OGG1: variants seen among roughly 807,000 people sequenced by gnomAD.
OGG1 encodes the protein N-glycosylase/DNA lyase.
A neutral mutation model predicts 42.3 loss-of-function variants in OGG1; 35 were observed. The ratio of observed to expected loss-of-function variants is 0.83; its 90% CI spans 0.63 to 1.10. The LOEUF (loss-of-function observed/expected upper bound fraction) is 1.10, where lower values mean the gene tolerates loss of function less well. Ranked by LOEUF, OGG1 falls within the 50% of genes least tolerant of loss-of-function variation. The pLI is 0.00. For missense variants in OGG1, 484 were observed against 446.7 expected, an observed-to-expected ratio of 1.08 and a Z score of -0.75; for synonymous variants, 189 against 179.0, an observed-to-expected ratio of 1.06 and a Z score of -0.44.
Position 9,750,214 on chromosome 3 carries a change from C to A in OGG1, c.-73C>A, listed in dbSNP as rs1274015841. 12 of 1,548,644 alleles carry A rather than the reference C, an allele frequency of 7.7e-6. No individual in the cohort carries two copies. The highest frequency in any genetic ancestry group is 9.6e-6 in the Non-Finnish European group (11 of 1,148,730). On this transcript the variant is annotated 5_prime_UTR_variant, in exon 1 of 7. Transcript: ENST00000344629. ...TTAAGGGTCGTGGTCCTTGTCTGGG[C>A]GGGGTCTTTGGGCGTCGACGAGGCC...
chr3:9,770,164 G>A (rs546505852), downstream of OGG1, among the ~76,000 whole-genome samples: 44 of 152,342 alleles, frequency 2.9e-4, 1 homozygote, highest in South Asian at 8.7e-3. Flanking sequence ...TTTCACAGAG[G>A]GGACAACTGA....
chr3:9,780,500 T>C (rs905475792), intron 2 of OGG1: 1 of 1,609,060 alleles, frequency 6.2e-7, no homozygotes, highest in South Asian at 1.1e-5. Context: ...TTGTCAGCCA[T>C]GCGCACCCGC....
Position 9,766,625 on chromosome 3 carries a change from G to C in OGG1, c.*794G>C, listed in dbSNP as rs546428094. 2.8e-5 allele frequency: 29 copies of C among 1,045,416 alleles called. No individual in the cohort carries two copies. In the South Asian group the frequency reaches 7.7e-4, roughly 28 times the overall value. 64.8% of individuals were successfully genotyped at this position (1,045,416 alleles called of 1,614,324 possible). ...GTGTTTTAGAACAGGTTCTTAAAAA[G>C]GAACAAATAAACTCATTTAACTAAA... On this transcript the variant is annotated 3_prime_UTR_variant, in exon 8 of 8. Coordinates refer to the OGG1 transcript ENST00000302008.
downstream of OGG1, chr3:9,760,454 C>T: frequency 3.7e-6 from 2 of 534,888 alleles, no homozygotes; most frequent in South Asian, 2.1e-5. Context: ...CAAATGAATG[C>T]CTAGTTTCTC....
Position 9,756,603 on chromosome 3 carries a change from C to G in OGG1, c.880C>G (p.Gln294Glu). 6.2e-7 allele frequency: 1 copy of G among 1,613,872 alleles called. No individual in the cohort carries two copies. Among genetic ancestry groups the G allele is most frequent in the Non-Finnish European group, 8.5e-7 (1 of 1,179,748 alleles). Residue 294 changes from glutamine (Q) to glutamate (E), a missense_variant, in exon 5 of 7, where the codon CAG becomes GAG. Transcript: ENST00000344629. ...TTSQAKGPSP[Q>E]TNKELGNFFR... Reference sequence around the variant, plus strand: ...GTCCCAGGCGAAGGGACCGAGCCCCCAGACCAACAAGGAACTGGGTGAGGA... The same window carrying G: ...GTCCCAGGCGAAGGGACCGAGCCCCGAGACCAACAAGGAACTGGGTGAGGA...
At chr3:9,780,300 G>C (rs370030212) in intron 2 of OGG1, 21 of 1,529,762 alleles carry the variant, frequency 1.4e-5, no homozygotes, top group Non-Finnish European at 1.7e-5. Context: ...AAAGAAGGAA[G>C]TGGGCCTCCC....
At chr3:9,774,759 TTGA>T (rs1375345522) in intron 2 of OGG1, among the ~76,000 whole-genome samples, 2 of 152,206 alleles carry the variant, frequency 1.3e-5, no homozygotes, top group Non-Finnish European at 2.9e-5. Flanking sequence ...AAGGCTGATG[TTGA>T]TGTGAGGAAT....
At chr3:9,790,668 T>G (rs1485953905), downstream of OGG1, among the ~76,000 whole-genome samples, 1 of 152,108 alleles carries the variant, frequency 6.6e-6, no homozygotes, top group Non-Finnish European at 1.5e-5. Context: ...ACATCTGAAG[T>G]ACTTACTTAG....
At chr3:9,754,585 G>T (rs1284547248) in intron 3 of OGG1, 119 bp from the exon 4 acceptor site, 2 of 1,040,590 alleles carry the variant, frequency 1.9e-6, no homozygotes, top group Non-Finnish European at 2.9e-6. Context: ...TAGAGGGTGG[G>T]GAGGTAGGAG....
intron 4 of OGG1, among the ~76,000 whole-genome samples, chr3:9,756,038 C>T (rs569788391): frequency 1.9e-3 from 289 of 152,160 alleles, no homozygotes; most frequent in Non-Finnish European, 3.3e-3. Flanking sequence ...ATTCATAGGC[C>T]GCGCATGGTG....
downstream of OGG1, chr3:9,759,811 A>G (rs776097129): frequency 1.2e-6 from 2 of 1,613,680 alleles, no homozygotes; most frequent in East Asian, 2.2e-5. Context: ...GTACTCCCCA[A>G]GAGCATACCC....
chr3:9,765,820 C>T lies in OGG1; in HGVS notation c.1060C>T (p.Gln354Ter). The change falls in exon 8 of 8, where the codon CAA becomes TAA. Residue 354 changes from glutamine (Q) to a stop codon, truncating the protein, a stop_gained. Transcript: ENST00000302008. LOFTEE classifies it high-confidence loss of function. ...TCCTTGCCCTCCAGGGCCTCCTTGG[C>T]AATGCATTTGATGGCCACCAGCTTC... 4 of 1,614,076 alleles carry T rather than the reference C, an allele frequency of 2.5e-6. No homozygotes were observed. The highest frequency in any genetic ancestry group is 3.4e-6 in the Non-Finnish European group (4 of 1,179,992).
rs1194192517 is a variant in OGG1, at chr3:9,762,900, C to T, written c.1049-2909C>T. ...CCTGGGTACCCTAGCTCACCACACC[C>T]CCTTGAGCCCCACCTTGAGATCCCG... On this transcript the variant is annotated intron_variant, in intron 7 of 7. Transcript: ENST00000302008. 1.2e-6 allele frequency: 2 copies of T among 1,613,704 alleles called. 1 individual carries two copies. Among genetic ancestry groups the T allele is most frequent in the South Asian group, 2.2e-5 (2 of 91,070 alleles).
At chr3:9,764,675 C>T (rs1307821430) in intron 7 of OGG1, among the ~76,000 whole-genome samples, 4 of 124,596 alleles carry the variant, frequency 3.2e-5, no homozygotes, top group African/African-American at 1.2e-4. Context: ...GTTGCCTAGG[C>T]TGGAGTGTAA....
At chr3:9,767,734 C>G (rs201983776), downstream of OGG1, 159 of 1,614,022 alleles carry the variant, frequency 9.9e-5, no homozygotes, top group Admixed American at 1.0e-4. Flanking sequence ...CTGGGGCCTT[C>G]CACTGCCCCC....
At chr3:9,786,923 T>G (rs1327861415) in intron 3 of OGG1, 5 of 1,297,614 alleles carry the variant, frequency 3.9e-6, no homozygotes, top group Non-Finnish European at 5.5e-6. Context: ...CTAATAAATG[T>G]ATGATAAATT....
intron 2 of OGG1, chr3:9,780,172 G>C: frequency 1.8e-6 from 1 of 559,280 alleles, no homozygotes. Context: ...TAGCCCAGCA[G>C]GGCTTCCTGT....
downstream of OGG1, chr3:9,767,812 C>G: frequency 6.2e-7 from 1 of 1,602,800 alleles, no homozygotes. Context: ...GGAGACTCAG[C>G]AGAGCCCAGC....
At chr3:9,759,478 A>G (rs1461321487), downstream of OGG1, 3 of 1,614,160 alleles carry the variant, frequency 1.9e-6, no homozygotes, top group Non-Finnish European at 2.5e-6. Flanking sequence ...AACTAGGGAT[A>G]TGGACTCACC....
Sources: allele counts gnomAD v4.1 joint callset (sites outside exome capture counted in the v4.1 genomes callset), GRCh38; gene constraint gnomAD v4.1.1; transcripts MANE v1.5; gene names NCBI Gene and HGNC (gene_info 2026-07-23, HGNC 2026-07-21).